The following MAPKAP1 variants were observed in gnomAD, a reference collection of about 807,000 sequenced individuals.
MAPKAP1 encodes target of rapamycin complex 2 subunit MAPKAP1.
MAPKAP1 carries 20 observed loss-of-function variants against 65.7 expected under a neutral mutation model. The ratio of observed to expected loss-of-function variants is 0.30; its 90% confidence interval spans 0.21 to 0.44. The LOEUF (loss-of-function observed/expected upper bound fraction) is 0.44, where lower values mean the gene tolerates loss of function less well. Among genes scored for constraint, MAPKAP1 ranks in the 20% least tolerant of loss-of-function variants. MAPKAP1 has a pLI of 1.00. For missense variants in MAPKAP1, 423 were observed against 648.0 expected (o/e 0.65, Z 3.77); for synonymous variants, 222 against 244.3 (o/e 0.91, Z 0.85).
chr9:125,439,613 G>A lies in MAPKAP1; in HGVS notation c.1444-601C>T, dbSNP rs76268468. Among the ~76,000 whole-genome samples, 570 of 152,356 alleles carry A rather than the reference G, an allele frequency of 3.7e-3. 6 individuals are homozygous for A. The highest frequency in any genetic ancestry group is 0.013 in the African/African-American group (548 of 41,602). On this transcript the variant is annotated intron_variant, in intron 11 of 11. Transcript: ENST00000265960. The surrounding 1 kb of genome is among the most constrained non-coding windows in gnomAD (Gnocchi z 4.0). ...CCACGTGGAAGTCAGGGTGAGAGCTGTGAGGGGGCTGAAAGAGCCCTGTGT... is the reference window on the plus strand; with the variant it reads ...CCACGTGGAAGTCAGGGTGAGAGCTATGAGGGGGCTGAAAGAGCCCTGTGT...
intron 10 of MAPKAP1, among the ~76,000 whole-genome samples, chr9:125,463,905 G>A (rs1853585082): frequency 6.6e-6 from 1 of 152,120 alleles, no homozygotes. Flanking sequence ...CTCTAAACCT[G>A]CACAACCTTC....
At chr9:125,506,557 G>A (rs2133084855) in intron 7 of MAPKAP1, 140 bp from the exon 8 acceptor site, 1 of 686,736 alleles carries the variant, frequency 1.5e-6, no homozygotes, top group Non-Finnish European at 2.5e-6. Flanking sequence ...AGCTATCCAG[G>A]ATGGAAGTTT....
intron 4 of MAPKAP1, among the ~76,000 whole-genome samples, chr9:125,588,789 G>A (rs1030754054): frequency 1.3e-5 from 2 of 152,194 alleles, no homozygotes; most frequent in South Asian, 4.2e-4. Flanking sequence ...CCCAAACACC[G>A]TGAACAAAAT....
intron 7 of MAPKAP1, among the ~76,000 whole-genome samples, chr9:125,541,349 T>C (rs1233397464): frequency 1.3e-5 from 2 of 152,178 alleles, no homozygotes; most frequent in Non-Finnish European, 2.9e-5. Context: ...AGTTTCATGG[T>C]CTGAAAAATC....
chr9:125,475,882 C>G (rs375566162), intron 9 of MAPKAP1, among the ~76,000 whole-genome samples: 1 of 152,130 alleles, frequency 6.6e-6, no homozygotes, highest in Non-Finnish European at 1.5e-5. Flanking sequence ...ATGTTCAGGC[C>G]CTGTTGGAGC....
Position 125,629,336 on chromosome 9 carries a change from A to C in MAPKAP1, c.498+28315T>G, listed in dbSNP as rs78634445. Among the ~76,000 whole-genome samples, 950 of 152,362 alleles carry C rather than the reference A, an allele frequency of 6.2e-3. 5 individuals carry two copies. The highest frequency in any genetic ancestry group is 0.022 in the African/African-American group (916 of 41,580). ...AGCACACCATTATTCACAATAGCCA[A>C]GAAGTGAAAACCTAAATGTCCATAA... On this transcript the variant is annotated intron_variant, in intron 4 of 11. Transcript: ENST00000265960.
intron 5 of MAPKAP1, chr9:125,568,012 G>GGGTAAAGAATGAGATT (rs1831113299): frequency 6.6e-6 from 1 of 152,382 alleles, no homozygotes; most frequent in Non-Finnish European, 1.5e-5. Context: ...TGGGGTACCC[G>GGGTAAAGAATGAGATT]GGTAAAGAAT....
intron 3 of MAPKAP1, among the ~76,000 whole-genome samples, chr9:125,663,354 T>C (rs951352598): frequency 1.3e-5 from 2 of 152,224 alleles, no homozygotes; most frequent in Non-Finnish European, 2.9e-5. Context: ...GATATATGCA[T>C]GACTCACTCC....
chr9:125,581,952 A>C (rs768807351), intron 5 of MAPKAP1, among the ~76,000 whole-genome samples: 9 of 152,140 alleles, frequency 5.9e-5, no homozygotes, highest in Non-Finnish European at 1.2e-4. Flanking sequence ...ATCTCTTCAA[A>C]TATTGCTTCT....
chr9:125,531,131 A>AC (rs891095766), intron 7 of MAPKAP1, among the ~76,000 whole-genome samples: 2 of 152,044 alleles, frequency 1.3e-5, no homozygotes, highest in Non-Finnish European at 2.9e-5. Flanking sequence ...TCTTGCTGCC[A>AC]CCCCCAGCTG....
intron 4 of MAPKAP1, among the ~76,000 whole-genome samples, chr9:125,622,309 T>G (rs953850020): frequency 2.0e-5 from 3 of 152,220 alleles, no homozygotes; most frequent in Admixed American, 2.0e-4. Context: ...AAAAGGATTA[T>G]GAATGTTCAG....
At chr9:125,500,415 G>A (rs1016350516) in intron 8 of MAPKAP1, among the ~76,000 whole-genome samples, 2 of 150,534 alleles carry the variant, frequency 1.3e-5, no homozygotes, top group Non-Finnish European at 1.5e-5. Context: ...GGATGGTCTC[G>A]ATCTCCTGAC....
chr9:125,621,717 C>A (rs1012547038), intron 4 of MAPKAP1, among the ~76,000 whole-genome samples: 1 of 152,212 alleles, frequency 6.6e-6, no homozygotes, highest in African/African-American at 2.4e-5. Context: ...GCAATATCCT[C>A]ACTATACAAA....
rs1834449679 is a variant in MAPKAP1, at chr9:125,669,984, C to A, written c.260-77G>T. On this transcript the variant is annotated intron_variant, in intron 2 of 11. Coordinates refer to ENST00000265960, the MANE Select transcript of MAPKAP1 (RefSeq NM_001006617.3). Reference sequence around the variant, plus strand: ...ACAAAGACATAATTAACTACCTTTACATGAATAAAGATGTTTTATATTGCA... The same window carrying A: ...ACAAAGACATAATTAACTACCTTTAAATGAATAAAGATGTTTTATATTGCA... 4.9e-6 allele frequency: 4 copies of A among 814,002 alleles called. No individual in the cohort carries two copies. The Admixed American group carries it at 7.9e-5, about 16-fold the overall frequency. 50.4% of individuals were successfully genotyped at this position (814,002 alleles called of 1,614,324 possible).
At chr9:125,675,650 A>C (rs537307494) in intron 1 of MAPKAP1, among the ~76,000 whole-genome samples, 1 of 152,312 alleles carries the variant, frequency 6.6e-6, no homozygotes, top group East Asian at 1.9e-4. Context: ...TTTTACCTCC[A>C]ATTACATGTA....
chr9:125,457,240 C>T (rs529698870), intron 10 of MAPKAP1, among the ~76,000 whole-genome samples: 3 of 152,232 alleles, frequency 2.0e-5, no homozygotes, highest in East Asian at 1.9e-4. Flanking sequence ...CTACCCACCT[C>T]GGCCTCCCAA....
At chr9:125,576,685 G>A (rs1341634382) in intron 5 of MAPKAP1, among the ~76,000 whole-genome samples, 1 of 152,230 alleles carries the variant, frequency 6.6e-6, no homozygotes, top group East Asian at 1.9e-4. Flanking sequence ...CACCTGACTG[G>A]TTTTTGTATT....
At chr9:125,629,878 C>G (rs774815029) in intron 4 of MAPKAP1, among the ~76,000 whole-genome samples, 14 of 152,174 alleles carry the variant, frequency 9.2e-5, no homozygotes, top group Non-Finnish European at 1.9e-4. Flanking sequence ...CAAAATGTCA[C>G]TTTTAGATGT....
intron 1 of MAPKAP1, among the ~76,000 whole-genome samples, chr9:125,683,271 C>G (rs2416969): frequency 6.6e-6 from 1 of 152,076 alleles, no homozygotes; most frequent in East Asian, 1.9e-4. Flanking sequence ...ATTCTTGCCC[C>G]TTTCTGTTGT....
Sources: allele counts gnomAD v4.1 joint callset (sites outside exome capture counted in the v4.1 genomes callset), GRCh38; gene constraint gnomAD v4.1.1; non-coding constraint Gnocchi (gnomAD v3.1); transcripts MANE v1.5; gene names NCBI Gene and HGNC (gene_info 2026-07-23, HGNC 2026-07-21).